CSMD2: variants seen among roughly 807,000 people sequenced by gnomAD.
The protein encoded by CSMD2 is CUB and Sushi multiple domains 2.
CSMD2 carries 130 observed loss-of-function variants against 398.5 expected under a neutral mutation model. The ratio of observed to expected loss-of-function variants is 0.33; its 90% CI spans 0.28 to 0.38. The LOEUF (loss-of-function observed/expected upper bound fraction) is 0.38. CSMD2 is among the 10% of genes least tolerant of loss of function. The pLI is 1.00. For synonymous variants in CSMD2, 1,828 were observed against 1,908.5 expected, an observed-to-expected ratio of 0.96 and a Z score of 1.10; for missense variants, 3,829 against 4,764.9, an observed-to-expected ratio of 0.80 and a Z score of 5.78.
chr1:34,010,130 C>T (rs517542), intron 3 of CSMD2, among the ~76,000 whole-genome samples: 86,199 of 152,072 alleles, frequency 0.57, 25,696 homozygotes, highest in African/African-American at 0.75. Flanking sequence ...CCTTCTGATA[C>T]TATTCCCAGA....
chr1:34,020,513 C>T (rs775994440), intron 3 of CSMD2, among the ~76,000 whole-genome samples: 1 of 152,112 alleles, frequency 6.6e-6, no homozygotes, highest in Non-Finnish European at 1.5e-5. Flanking sequence ...GATGCCCCAG[C>T]GTCATGCTGC....
At chr1:33,824,098 TG>T (rs1658507366) in intron 7 of CSMD2, among the ~76,000 whole-genome samples, 2 of 152,306 alleles carry the variant, frequency 1.3e-5, no homozygotes, top group East Asian at 1.9e-4. Flanking sequence ...CATTAGTGTC[TG>T]GGGTAACATG....
At chr1:33,705,394 C>A (rs897817032) in intron 22 of CSMD2, among the ~76,000 whole-genome samples, 3 of 152,138 alleles carry the variant, frequency 2.0e-5, no homozygotes, top group Non-Finnish European at 4.4e-5. Flanking sequence ...TATACTTTGA[C>A]CATTATCTCC....
intron 13 of CSMD2, among the ~76,000 whole-genome samples, chr1:33,755,966 A>C (rs531169260): frequency 1.3e-5 from 2 of 151,962 alleles, no homozygotes; most frequent in Non-Finnish European, 2.9e-5. Flanking sequence ...GTAGAACTTG[A>C]GCATCGGTGT....
rs1412137798 is a variant in CSMD2 at position 33,515,755 on chromosome 1, G to A, written c.*869C>T. ...CTGCTGCCCCCAGACTTGGCATCCT[G>A]TCTGGGCCACAGACTTGTCTTCTCT... On this transcript the variant is annotated 3_prime_UTR_variant, in exon 71 of 71. Coordinates refer to ENST00000373381, the MANE Select transcript of CSMD2 (RefSeq NM_001281956.2). 1 of 152,146 alleles carries A rather than the reference G, an allele frequency of 6.6e-6. No homozygotes were observed. Among genetic ancestry groups the A allele is most frequent in the African/African-American group, 2.4e-5 (1 of 41,400 alleles). 9.4% of individuals were successfully genotyped at this position (152,146 alleles called of 1,614,324 possible).
At chr1:33,544,396 C>T (rs1269689256) in intron 57 of CSMD2, among the ~76,000 whole-genome samples, 1 of 151,752 alleles carries the variant, frequency 6.6e-6, no homozygotes, top group Non-Finnish European at 1.5e-5. Context: ...GGATTACAGG[C>T]GTGAGCCACC....
At chr1:33,928,121 C>A (rs187863566) in intron 4 of CSMD2, among the ~76,000 whole-genome samples, 2 of 152,324 alleles carry the variant, frequency 1.3e-5, no homozygotes, top group Non-Finnish European at 2.9e-5. Flanking sequence ...TTGTGAGTCT[C>A]CTGCTGTGGG....
chr1:33,922,197 G>C (rs758658550), intron 4 of CSMD2, among the ~76,000 whole-genome samples: 1 of 152,162 alleles, frequency 6.6e-6, no homozygotes, highest in Non-Finnish European at 1.5e-5. Flanking sequence ...TGTGAGGCAG[G>C]GAATCAGCAG....
chr1:34,022,024 G>A (rs530591004), intron 3 of CSMD2, among the ~76,000 whole-genome samples: 43 of 152,074 alleles, frequency 2.8e-4, no homozygotes, highest in Non-Finnish European at 5.1e-4. Flanking sequence ...ACGACTGGGG[G>A]CATCTTAGAG....
In CSMD2 at chr1:33,605,364, C is replaced by A; in HGVS notation, c.6450G>T (p.Gly2150=). 2.5e-6 allele frequency: 4 copies of A among 1,614,164 alleles called. No homozygotes were observed. Among genetic ancestry groups the A allele is most frequent in the Non-Finnish European group, 2.5e-6 (3 of 1,180,028 alleles). The change falls in exon 42 of 71, where the codon GGG becomes GGT. Residue 2150 remains glycine, a synonymous_variant. Coordinates refer to ENST00000373381, the MANE Select transcript of CSMD2 (RefSeq NM_001281956.2). ...GGACAGGGTGGCCAGTCAATTGATA[C>A]CCCGGGAGGCACTCGAAGGTCACTG... ...GQSVTFECLP[G]YQLTGHPVLT...
At chr1:33,722,222 A>T (rs1174225907) in intron 19 of CSMD2, among the ~76,000 whole-genome samples, 2 of 152,254 alleles carry the variant, frequency 1.3e-5, no homozygotes, top group Non-Finnish European at 2.9e-5. Context: ...AATTCCAGTA[A>T]GTGGAATTGC....
chr1:33,797,013 C>T (rs920575805), intron 10 of CSMD2, among the ~76,000 whole-genome samples: 29 of 152,104 alleles, frequency 1.9e-4, no homozygotes, highest in Middle Eastern at 3.2e-3. Context: ...GAGGTCAGAC[C>T]GGTTCTCTGC....
intron 53 of CSMD2, among the ~76,000 whole-genome samples, chr1:33,563,311 C>G (rs1290248403): frequency 1.3e-5 from 2 of 152,020 alleles, no homozygotes; most frequent in African/African-American, 4.8e-5. Context: ...AGACTAACCT[C>G]ACTAAGGAGG....
At chr1:33,855,290 A>G (rs1639002347) in intron 5 of CSMD2, among the ~76,000 whole-genome samples, 1 of 152,154 alleles carries the variant, frequency 6.6e-6, no homozygotes, top group African/African-American at 2.4e-5. Flanking sequence ...CCCATAGGCT[A>G]CAGCTGATTG....
chr1:34,111,106 C>T (rs1440800450), intron 1 of CSMD2, among the ~76,000 whole-genome samples: 2 of 152,140 alleles, frequency 1.3e-5, no homozygotes, highest in African/African-American at 4.8e-5. Flanking sequence ...AAGAGAAAGG[C>T]CTTTGTTTTA....
intron 13 of CSMD2, chr1:33,772,347 T>C: frequency 2.0e-6 from 1 of 496,222 alleles, no homozygotes; most frequent in East Asian, 3.3e-5. Context: ...TTGAAGAGCA[T>C]CCCCAAATGT....
chr1:34,126,462 G>A (rs1475923970), intron 1 of CSMD2, among the ~76,000 whole-genome samples: 1 of 152,208 alleles, frequency 6.6e-6, no homozygotes, highest in South Asian at 2.1e-4. Context: ...GTTATGGGAG[G>A]TGGCACAGCT....
At chr1:33,538,192 T>C (rs548291541) in intron 60 of CSMD2, among the ~76,000 whole-genome samples, 114 of 152,344 alleles carry the variant, frequency 7.5e-4, no homozygotes, top group Non-Finnish European at 1.4e-3. Flanking sequence ...CTTTTTTGTT[T>C]TTTCTTTTCA....
chr1:33,539,581 C>T (rs150462212), intron 60 of CSMD2, among the ~76,000 whole-genome samples: 129 of 152,296 alleles, frequency 8.5e-4, no homozygotes, highest in Middle Eastern at 3.4e-3. Flanking sequence ...GTGATTCACA[C>T]GGGACACCAT....
Sources: allele counts gnomAD v4.1 joint callset (sites outside exome capture counted in the v4.1 genomes callset), GRCh38; gene constraint gnomAD v4.1.1; transcripts MANE v1.5; gene names NCBI Gene and HGNC (gene_info 2026-07-23, HGNC 2026-07-21).